Variants in YPEL2 observed in about 807,000 individuals in gnomAD.
YPEL2 encodes the protein protein yippee-like 2.
In YPEL2, 2 loss-of-function variants were observed where a neutral mutation model predicts 19.1. That is an observed-to-expected ratio of 0.10 (90% confidence interval 0.04 to 0.33). The LOEUF (loss-of-function observed/expected upper bound fraction) is 0.33, where lower values mean the gene tolerates loss of function less well. Among genes scored for constraint, YPEL2 ranks in the 10% least tolerant of loss-of-function variants. The probability of loss-of-function intolerance (pLI) is 1.00; values close to 1 mark genes in which losing one functional copy is unlikely to be tolerated. For synonymous variants in YPEL2, 52 were observed against 50.0 expected (o/e 1.04, Z -0.17); for missense variants, 66 against 140.7 (o/e 0.47, Z 2.68).
intron 2 of YPEL2, among the ~76,000 whole-genome samples, chr17:59,365,054 C>T (rs948225335): frequency 5.9e-5 from 9 of 152,170 alleles, no homozygotes; most frequent in African/African-American, 1.2e-4. Context: ...GGGCCTGGCA[C>T]GTGATAAGTG....
Position 59,397,361 on chromosome 17 carries a change from GTC to G in YPEL2, c.*177_*178del. On this transcript the variant is annotated 3_prime_UTR_variant, in exon 5 of 5. Transcript: ENST00000312655. ...TCTGGTGACCGGCCTCTAAATCGCTGTCTCTCTGTCTCTTTGCTTTGTATCTG... is the reference window on the plus strand; with the variant it reads ...TCTGGTGACCGGCCTCTAAATCGCTGTCTCTGTCTCTTTGCTTTGTATCTG... The G allele has an allele frequency of 2.2e-6, 1 of 459,486 alleles. No homozygotes were observed. The allele number at this position is 459,486 out of a possible 1,614,324, so 28.5% of individuals were successfully genotyped here.
intron 4 of YPEL2, among the ~76,000 whole-genome samples, chr17:59,396,114 TCTTATGTTCTTAGAAA>T (rs1345359487): frequency 6.6e-6 from 1 of 152,174 alleles, no homozygotes; most frequent in Admixed American, 6.5e-5. Flanking sequence ...AACCAGGTTT[TCTTATGTTCTTAGAAA>T]CTAGCAGGAA....
At chr17:59,343,062 C>T (rs545618872) in intron 1 of YPEL2, among the ~76,000 whole-genome samples, 3 of 152,288 alleles carry the variant, frequency 2.0e-5, no homozygotes. Context: ...TGTGGCTCAT[C>T]TGGGTAATTT....
rs1002616558 is a variant in YPEL2 at position 59,341,065 on chromosome 17, C to CT, written c.-196+9242dup. Among the ~76,000 whole-genome samples, 35 of 148,900 alleles carry CT rather than the reference C, an allele frequency of 2.4e-4. No homozygotes were observed. The Middle Eastern group carries it at 0.01, about 44-fold the overall frequency. Reference sequence around the variant, plus strand: ...GGTGGCCGGGCGCGGTGGCTCATGCCTGTAATCCCAGTACTTTGAGATGCT... The same window carrying CT: ...GGTGGCCGGGCGCGGTGGCTCATGCCTTGTAATCCCAGTACTTTGAGATGCT... On this transcript the variant is annotated intron_variant, in intron 1 of 4. Coordinates refer to ENST00000312655, the MANE Select transcript of YPEL2 (RefSeq NM_001005404.4).
chr17:59,386,092 G>A (rs1402671421), intron 2 of YPEL2, among the ~76,000 whole-genome samples: 1 of 152,106 alleles, frequency 6.6e-6, no homozygotes, highest in Non-Finnish European at 1.5e-5. Flanking sequence ...GAAAGCTGAG[G>A]CAGGCGGATT....
chr17:59,397,640 CG>C lies in YPEL2; in HGVS notation c.*451del. The C allele has an allele frequency of 6.4e-6, 1 of 155,572 alleles. No homozygotes were observed. Among genetic ancestry groups the C allele is most frequent in the Non-Finnish European group, 1.4e-5 (1 of 70,414 alleles). 9.6% of individuals were successfully genotyped at this position (155,572 alleles called of 1,614,324 possible). The stretch of plus-strand genomic sequence containing the variant: ...GGTGGAGGTAGGAACAAAATTGCGC[CG>C]CTCCTGGAGACCTGATAACTTAGGC... On this transcript the variant is annotated 3_prime_UTR_variant, in exon 5 of 5. Transcript: ENST00000312655.
At chr17:59,387,690 G>A (rs775428501) in intron 2 of YPEL2, among the ~76,000 whole-genome samples, 1 of 152,234 alleles carries the variant, frequency 6.6e-6, no homozygotes, top group Admixed American at 6.5e-5. Flanking sequence ...AGAGGTTAAA[G>A]TGGAATTGCT....
chr17:59,367,894 G>A (rs1034460978), intron 2 of YPEL2, among the ~76,000 whole-genome samples: 3 of 152,156 alleles, frequency 2.0e-5, no homozygotes, highest in African/African-American at 7.2e-5. Flanking sequence ...CTGCTGAGGA[G>A]AGTCTGTGGC....
intron 1 of YPEL2, among the ~76,000 whole-genome samples, chr17:59,347,661 G>A (rs1598028748): frequency 6.6e-6 from 1 of 152,170 alleles, no homozygotes; most frequent in Non-Finnish European, 1.5e-5. Context: ...CAATACTAAC[G>A]CATGCCTGTG....
chr17:59,340,605 C>CG (rs2047724062), intron 1 of YPEL2, among the ~76,000 whole-genome samples: 1 of 151,396 alleles, frequency 6.6e-6, no homozygotes, highest in Admixed American at 6.6e-5. Context: ...TCAGTAGAGA[C>CG]GGGGTTTCAC....
intron 2 of YPEL2, among the ~76,000 whole-genome samples, chr17:59,379,691 G>A (rs1437962264): frequency 6.6e-6 from 1 of 152,148 alleles, no homozygotes; most frequent in African/African-American, 2.4e-5. Context: ...GCGTGACCTT[G>A]TGAATATAAG....
At chr17:59,379,474 T>C (rs905685753) in intron 2 of YPEL2, among the ~76,000 whole-genome samples, 1 of 152,180 alleles carries the variant, frequency 6.6e-6, no homozygotes, top group Non-Finnish European at 1.5e-5. Flanking sequence ...CTAATCCTCC[T>C]TTGTATCTCT....
Position 59,399,397 on chromosome 17 carries a change from T to A in YPEL2, c.*2207T>A, listed in dbSNP as rs1166477195. On this transcript the variant is annotated 3_prime_UTR_variant, in exon 5 of 5. Coordinates refer to ENST00000312655, the MANE Select transcript of YPEL2 (RefSeq NM_001005404.4). ...TGTCTTTCAAACTACAAATGGAATG[T>A]GGTGACATAAACTAGACATGGGGTG... 1 of 152,192 alleles carries A rather than the reference T, an allele frequency of 6.6e-6. No homozygotes were observed. The highest frequency in any genetic ancestry group is 2.4e-5 in the African/African-American group (1 of 41,424). The allele number at this position is 152,192 out of a possible 1,614,324, so 9.4% of individuals were successfully genotyped here. A position where few individuals can be genotyped will look rare whatever the true frequency, so the allele number is the denominator to read the frequency against.
intron 1 of YPEL2, among the ~76,000 whole-genome samples, chr17:59,345,598 TC>T (rs2047752019): frequency 6.6e-6 from 1 of 152,070 alleles, no homozygotes; most frequent in Non-Finnish European, 1.5e-5. Context: ...TAATATCAGG[TC>T]CCCAGCTAAG....
chr17:59,389,338 CTCT>C lies in YPEL2; in HGVS notation c.162-17_162-15del, dbSNP rs200204114. On this transcript the variant is annotated intron_variant, in intron 3 of 4. Transcript: ENST00000312655. ...GTGCGTGTCACTAACTACCCACTCT[CTCT>C]TCTTGTGCCTCGACATAGAGTTAAT... is the stretch of plus-strand genomic sequence containing the variant. The C allele has an allele frequency of 3.4e-4, 545 of 1,604,906 alleles. 5 individuals are homozygous for C. In the East Asian group the frequency reaches 0.011, roughly 33 times the overall value.
chr17:59,369,761 T>G (rs896399850), intron 2 of YPEL2, among the ~76,000 whole-genome samples: 3 of 152,226 alleles, frequency 2.0e-5, no homozygotes, highest in African/African-American at 7.2e-5. Flanking sequence ...ACTTTACACT[T>G]GTAGTAGTTC....
intron 2 of YPEL2, among the ~76,000 whole-genome samples, chr17:59,385,229 TCAGA>T (rs1259094952): frequency 6.6e-6 from 1 of 152,162 alleles, no homozygotes; most frequent in Non-Finnish European, 1.5e-5. Context: ...GTGAAAAAAG[TCAGA>T]CAAACACATA....
At position 59,353,512 on chromosome 17, in the gene YPEL2, G is replaced by A; in HGVS notation, c.103G>A (p.Glu35Lys). 6.2e-7 allele frequency: 1 copy of A among 1,613,964 alleles called. No homozygotes were observed. The highest frequency in any genetic ancestry group is 8.5e-7 in the Non-Finnish European group (1 of 1,179,834). The change falls in exon 2 of 5, where the codon GAA becomes AAA. Residue 35 changes from glutamate (E) to lysine (K), a missense_variant. Glu to Lys is a moderately conservative substitution (Grantham distance 56, BLOSUM62 1). Transcript: ENST00000312655. The surrounding 1 kb of genome is among the most constrained non-coding windows in gnomAD (Gnocchi z 4.8). ...HCRAHLANHDELISKSFQGSQ... is the reference protein window; with the variant it reads ...HCRAHLANHDKLISKSFQGSQ... ...CAGAGCTCACTTGGCCAATCATGAT[G>A]AACTAATTTCCAAGGTACACATTTC...
intron 2 of YPEL2, among the ~76,000 whole-genome samples, chr17:59,376,949 C>T (rs1166037806): frequency 2.1e-5 from 1 of 48,544 alleles, no homozygotes; most frequent in Non-Finnish European, 4.5e-5. Context: ...CACACTGTCT[C>T]AAAAAAAAAA....
Sources: gnomAD v4.1 joint callset for allele counts (sites outside exome capture counted in the v4.1 genomes callset) on GRCh38, gnomAD v4.1.1 for gene constraint, Gnocchi (gnomAD v3.1) non-coding constraint, MANE v1.5 for transcripts, NCBI Gene and HGNC (gene_info 2026-07-23, HGNC 2026-07-21) for gene names.